DDHD1: variants seen among roughly 807,000 people sequenced by gnomAD.
DDHD1 encodes the protein DDHD domain containing 1.
In DDHD1, 49 loss-of-function variants were observed where a neutral mutation model predicts 96.4. That is an observed-to-expected ratio of 0.51 (90% confidence interval 0.40 to 0.64). The LOEUF is 0.64. Ranked by LOEUF, DDHD1 falls within the 30% of genes least tolerant of loss-of-function variation. The pLI, the probability that DDHD1 is intolerant of heterozygous loss-of-function variation, is 0.00. For synonymous variants in DDHD1, 442 were observed against 446.5 expected (o/e 0.99, Z 0.13); for missense variants, 1,106 against 1,161.2 (o/e 0.95, Z 0.69).
chr14:53,040,785 A>C lies in DDHD1; in HGVS notation c.*5983T>G, dbSNP rs988751095. Reference sequence around the variant, plus strand: ...AGGAAAAGAAAAAGCCTGCCTTCAAAGAGTTGTGATTGCAGTCATTGACAA... The same window carrying C: ...AGGAAAAGAAAAAGCCTGCCTTCAACGAGTTGTGATTGCAGTCATTGACAA... On this transcript the variant is annotated 3_prime_UTR_variant, in exon 13 of 13. Transcript: ENST00000673822. 6.6e-6 allele frequency: 1 copy of C among 152,152 alleles called. No individual in the cohort carries two copies. Among genetic ancestry groups the C allele is most frequent in the African/African-American group, 2.4e-5 (1 of 41,442 alleles). The allele number at this position is 152,152 out of a possible 1,614,324, so 9.4% of individuals were successfully genotyped here.
At chr14:53,091,036 A>G (rs973089273) in intron 4 of DDHD1, among the ~76,000 whole-genome samples, 3 of 152,160 alleles carry the variant, frequency 2.0e-5, no homozygotes, top group African/African-American at 7.2e-5. Flanking sequence ...TAAGGACTCA[A>G]GCCTTTATAA....
Position 53,073,645 on chromosome 14 carries a change from T to C in DDHD1, c.1396+96A>G, listed in dbSNP as rs1163745633. The C allele has an allele frequency of 9.7e-6, 9 of 926,230 alleles. No homozygotes were observed. The East Asian group carries it at 2.3e-4, about 24-fold the overall frequency. The allele number at this position is 926,230 out of a possible 1,614,324, so 57.4% of individuals were successfully genotyped here. A position where few individuals can be genotyped will look rare whatever the true frequency, so the allele number is the denominator to read the frequency against. On this transcript the variant is annotated intron_variant, in intron 5 of 12. Transcript: ENST00000673822. ...AGACAATTAAATTGAAGACACTACA[T>C]TCTCAATTAACAAAAAGTGTTTTCT... is the stretch of plus-strand genomic sequence containing the variant.
chr14:53,047,666 T>C lies in DDHD1; in HGVS notation c.2522-717A>G, dbSNP rs1442977348. Reference sequence around the variant, plus strand: ...GGAGGAAGGACTTTGCTTATAACAGTGCTGTCCACAAACAATTCAGTGAAT... The same window carrying C: ...GGAGGAAGGACTTTGCTTATAACAGCGCTGTCCACAAACAATTCAGTGAAT... On this transcript the variant is annotated intron_variant, in intron 12 of 12. Coordinates refer to ENST00000673822, the MANE Select transcript of DDHD1 (RefSeq NM_001160148.2). Among the ~76,000 whole-genome samples, 3 of 152,322 alleles carry C rather than the reference T, an allele frequency of 2.0e-5. No individual in the cohort carries two copies. In the East Asian group the frequency reaches 5.8e-4, roughly 29 times the overall value.
chr14:53,088,347 C>A (rs1312008761), intron 4 of DDHD1, among the ~76,000 whole-genome samples: 2 of 152,152 alleles, frequency 1.3e-5, no homozygotes, highest in Non-Finnish European at 2.9e-5. Flanking sequence ...GATACCAAGG[C>A]CTGGCAGAGA....
At chr14:53,079,277 T>G (rs1456637169) in intron 4 of DDHD1, among the ~76,000 whole-genome samples, 3 of 152,070 alleles carry the variant, frequency 2.0e-5, no homozygotes, top group Non-Finnish European at 4.4e-5. Context: ...AGAGAAGTGG[T>G]GCTAATTTTT....
intron 9 of DDHD1, 62 bp from the exon 10 acceptor site, chr14:53,055,974 T>A: frequency 7.0e-7 from 1 of 1,420,286 alleles, no homozygotes; most frequent in Non-Finnish European, 9.7e-7. Flanking sequence ...TGGATTTTAG[T>A]AAACTGTTCT....
Position 53,037,325 on chromosome 14 carries a change from T to C in DDHD1, c.*9443A>G, listed in dbSNP as rs529989937. 1.3e-5 allele frequency: 2 copies of C among 152,216 alleles called. No homozygotes were observed. The highest frequency in any genetic ancestry group is 4.1e-4 in the South Asian group (2 of 4,820). The allele number at this position is 152,216 out of a possible 1,614,324, so 9.4% of individuals were successfully genotyped here. ...GATCTGTTTTAAGTTATTTGAGAAATCTCCAAACTGCTTTCCACAGTGACT... is the reference window on the plus strand; with the variant it reads ...GATCTGTTTTAAGTTATTTGAGAAACCTCCAAACTGCTTTCCACAGTGACT... On this transcript the variant is annotated 3_prime_UTR_variant, in exon 13 of 13. Transcript: ENST00000673822.
At chr14:53,077,043 T>C (rs1159554598) in intron 4 of DDHD1, among the ~76,000 whole-genome samples, 1 of 152,162 alleles carries the variant, frequency 6.6e-6, no homozygotes, top group Admixed American at 6.6e-5. Context: ...ATACCTGTAA[T>C]TTTTTGTGTA....
At chr14:53,107,076 C>T (rs191941652) in intron 1 of DDHD1, among the ~76,000 whole-genome samples, 287 of 151,998 alleles carry the variant, frequency 1.9e-3, no homozygotes, top group African/African-American at 6.5e-3. Flanking sequence ...TACAGTAGTC[C>T]CCCCTTATCT....
At chr14:53,136,768 C>A (rs1890268593) in intron 1 of DDHD1, among the ~76,000 whole-genome samples, 1 of 152,184 alleles carries the variant, frequency 6.6e-6, no homozygotes. Flanking sequence ...GCTGTGACTA[C>A]CCTAACAAAG....
chr14:53,085,702 C>A (rs8010534), intron 4 of DDHD1, among the ~76,000 whole-genome samples: 3 of 152,100 alleles, frequency 2.0e-5, no homozygotes, highest in African/African-American at 7.2e-5. Flanking sequence ...GAAACTACAG[C>A]AGAAAAGCTG....
chr14:53,102,951 G>T, intron 2 of DDHD1: 1 of 1,367,800 alleles, frequency 7.3e-7, no homozygotes, highest in Non-Finnish European at 1.0e-6. Flanking sequence ...ATAAAGACTA[G>T]CATGGATGAA....
At chr14:53,136,248 T>A (rs1890236970) in intron 1 of DDHD1, among the ~76,000 whole-genome samples, 1 of 152,206 alleles carries the variant, frequency 6.6e-6, no homozygotes, top group South Asian at 2.1e-4. Context: ...TCAGCCCGCC[T>A]GCACCCAGGT....
At chr14:53,134,413 T>C (rs1890082358) in intron 1 of DDHD1, among the ~76,000 whole-genome samples, 1 of 152,048 alleles carries the variant, frequency 6.6e-6, no homozygotes, top group Non-Finnish European at 1.5e-5. Flanking sequence ...TTCTTTACTT[T>C]TATACTCACT....
Position 53,103,859 on chromosome 14 carries a change from GA to G in DDHD1, c.839-4del. The G allele has an allele frequency of 6.3e-7, 1 of 1,585,458 alleles. No homozygotes were observed. The highest frequency in any genetic ancestry group is 8.5e-7 in the Non-Finnish European group (1 of 1,170,378). On this transcript the variant is annotated splice_region_variant and splice_polypyrimidine_tract_variant and intron_variant, in intron 1 of 12. Coordinates refer to ENST00000673822, the MANE Select transcript of DDHD1 (RefSeq NM_001160148.2). ...CATTACTGGTATTTTATCAGCCTCT[GA>G]AAAAGAGAAATCACAGAATTATACA...
At chr14:53,106,180 C>T (rs1887677035) in intron 1 of DDHD1, among the ~76,000 whole-genome samples, 1 of 152,160 alleles carries the variant, frequency 6.6e-6, no homozygotes, top group Non-Finnish European at 1.5e-5. Context: ...ATAAAAATTA[C>T]ATCTATGTCC....
intron 1 of DDHD1, among the ~76,000 whole-genome samples, chr14:53,135,165 G>T (rs1292759328): frequency 6.6e-6 from 1 of 152,212 alleles, no homozygotes. Flanking sequence ...TATCCCCTGT[G>T]ACCTGCAGGT....
chr14:53,072,844 T>C (rs1190507055), intron 5 of DDHD1, 141 bp from the exon 6 acceptor site: 2 of 468,112 alleles, frequency 4.3e-6, no homozygotes, highest in African/African-American at 1.9e-5. Flanking sequence ...TTGGCTCTAA[T>C]GGATCTTCCC....
intron 6 of DDHD1, among the ~76,000 whole-genome samples, chr14:53,063,593 C>T (rs1011682379): frequency 3.3e-5 from 5 of 151,656 alleles, no homozygotes; most frequent in Admixed American, 6.6e-5. Flanking sequence ...AATTTTTGTA[C>T]CTTGTAGTTT....
Sources: allele counts gnomAD v4.1 joint callset (sites outside exome capture counted in the v4.1 genomes callset), GRCh38; gene constraint gnomAD v4.1.1; transcripts MANE v1.5; gene names NCBI Gene and HGNC (gene_info 2026-07-23, HGNC 2026-07-21).